METTL24: variants seen among roughly 807,000 people sequenced by gnomAD.
METTL24 encodes the protein methyltransferase like 24, also known as probable methyltransferase-like protein 24.
In METTL24, 29 loss-of-function variants were observed where a neutral mutation model predicts 32.7. That is an observed-to-expected ratio of 0.89 (90% CI 0.66 to 1.21). The LOEUF is 1.21. Among genes scored for constraint, METTL24 ranks in the 50% most tolerant of loss-of-function variants. The pLI, the probability that METTL24 is intolerant of heterozygous loss-of-function variation, is 0.00. For synonymous variants in METTL24, 163 were observed against 179.5 expected (o/e 0.91, Z 0.73); for missense variants, 439 against 468.1 (o/e 0.94, Z 0.57).
At chr6:110,315,220 C>T in intron 3 of METTL24, 122 bp downstream of exon 3, 1 of 1,137,928 alleles carries the variant, frequency 8.8e-7, no homozygotes, top group Admixed American at 1.9e-5. Flanking sequence ...GAAATGATGA[C>T]AGGAGGCAAA....
chr6:110,256,678 G>A (rs1248268204), intron 4 of METTL24, among the ~76,000 whole-genome samples: 1 of 152,156 alleles, frequency 6.6e-6, no homozygotes, highest in Non-Finnish European at 1.5e-5. Flanking sequence ...GATGGAAAGA[G>A]AGGAGACAAG....
intron 4 of METTL24, among the ~76,000 whole-genome samples, chr6:110,264,273 A>C (rs1770811755): frequency 6.6e-6 from 1 of 152,244 alleles, no homozygotes; most frequent in South Asian, 2.1e-4. Flanking sequence ...ATAAATTTAC[A>C]AGAAAAAAAC....
chr6:110,279,024 T>C (rs116318499), intron 4 of METTL24, among the ~76,000 whole-genome samples: 2,654 of 143,856 alleles, frequency 0.018, 30 homozygotes, highest in African/African-American at 0.044. Context: ...ACAAAGAGTA[T>C]GGTGGTCTGT....
chr6:110,298,921 C>A lies in METTL24; in HGVS notation c.786+1G>T, dbSNP rs1264382345. On this transcript the variant is annotated splice_donor_variant, in intron 4 of 4. Transcript: ENST00000338882. LOFTEE classifies it high-confidence loss of function. ...GTATAAAATCAAATGAAAAACCTCA[C>A]CTTGTGATGTCCAAATTCATTCAAA... 1.9e-6 allele frequency: 3 copies of A among 1,613,640 alleles called. No individual in the cohort carries two copies. The highest frequency in any genetic ancestry group is 1.1e-5 in the South Asian group (1 of 91,052).
intron 3 of METTL24, among the ~76,000 whole-genome samples, chr6:110,314,233 A>G (rs9487371): frequency 0.27 from 40,465 of 152,076 alleles, 9,473 homozygotes; most frequent in African/African-American, 0.63. Flanking sequence ...GGTCCCCAGC[A>G]CTGTTTGTAA....
intron 4 of METTL24, among the ~76,000 whole-genome samples, chr6:110,281,297 G>T (rs775600183): frequency 6.6e-6 from 1 of 152,116 alleles, no homozygotes; most frequent in African/African-American, 2.4e-5. Context: ...TAGGAAAGTA[G>T]TGGAAAATAA....
At chr6:110,326,183 T>A (rs1294534510) in intron 1 of METTL24, among the ~76,000 whole-genome samples, 1 of 152,194 alleles carries the variant, frequency 6.6e-6, no homozygotes, top group Admixed American at 6.5e-5. Context: ...TCCAGAGGGA[T>A]CTTGCCCCAT....
chr6:110,300,631 G>T (rs1397885533), intron 3 of METTL24, among the ~76,000 whole-genome samples: 1 of 151,810 alleles, frequency 6.6e-6, no homozygotes, highest in Non-Finnish European at 1.5e-5. Context: ...ATGTTGCCCA[G>T]GCTGGTCTCG....
At chr6:110,252,847 C>G (rs1778307599) in intron 4 of METTL24, among the ~76,000 whole-genome samples, 1 of 152,140 alleles carries the variant, frequency 6.6e-6, no homozygotes, top group South Asian at 2.1e-4. Context: ...TGTGGTCACA[C>G]AGGGCCCCAA....
At chr6:110,350,792 TA>T (rs1240205897) in intron 1 of METTL24, among the ~76,000 whole-genome samples, 1 of 147,680 alleles carries the variant, frequency 6.8e-6, no homozygotes. Context: ...TAAAATAAAA[TA>T]AAATAAAATA....
chr6:110,274,085 G>A (rs1771003215), intron 4 of METTL24, among the ~76,000 whole-genome samples: 3 of 152,164 alleles, frequency 2.0e-5, no homozygotes, highest in Middle Eastern at 3.2e-3. Context: ...AACCTGGATG[G>A]AGTTGGAGCC....
intron 4 of METTL24, among the ~76,000 whole-genome samples, chr6:110,268,192 C>G (rs1770893273): frequency 6.6e-6 from 1 of 151,852 alleles, no homozygotes; most frequent in Admixed American, 6.6e-5. Context: ...AAACTGAGGC[C>G]CAAAAAGGTC....
chr6:110,332,329 A>C (rs1218728145), intron 1 of METTL24: 1 of 171,802 alleles, frequency 5.8e-6, no homozygotes, highest in Admixed American at 6.6e-5. Context: ...TGTGTAGGTC[A>C]AAATGGTTCA....
intron 4 of METTL24, among the ~76,000 whole-genome samples, chr6:110,249,923 C>A (rs1205293553): frequency 6.6e-6 from 1 of 152,010 alleles, no homozygotes; most frequent in African/African-American, 2.4e-5. Context: ...CAAAAATTAT[C>A]TCCTTTTCCT....
intron 1 of METTL24, among the ~76,000 whole-genome samples, chr6:110,334,176 G>A (rs373109526): frequency 2.7e-4 from 40 of 150,148 alleles, no homozygotes; most frequent in South Asian, 6.5e-4. Context: ...CCTGCAACCC[G>A]GGGGCCCACA....
chr6:110,343,961 C>T (rs1314688784), intron 1 of METTL24, among the ~76,000 whole-genome samples: 1 of 152,058 alleles, frequency 6.6e-6, no homozygotes, highest in Non-Finnish European at 1.5e-5. Flanking sequence ...CCATTATTAT[C>T]AGAATATTGG....
intron 1 of METTL24, among the ~76,000 whole-genome samples, chr6:110,328,596 G>A (rs1248159555): frequency 2.0e-5 from 3 of 152,042 alleles, no homozygotes; most frequent in African/African-American, 7.2e-5. Context: ...TCAGCATAAA[G>A]TTTTGTTTCT....
chr6:110,343,697 C>T (rs182500160), intron 1 of METTL24, among the ~76,000 whole-genome samples: 1 of 152,232 alleles, frequency 6.6e-6, no homozygotes, highest in East Asian at 1.9e-4. Context: ...GAGCAGGGGC[C>T]TAAGAAGAAA....
chr6:110,246,148 TG>T lies in METTL24; in HGVS notation c.898del (p.His300ThrfsTer25). The T allele has an allele frequency of 1.2e-6, 2 of 1,614,150 alleles. No individual in the cohort carries two copies. Among genetic ancestry groups the T allele is most frequent in the Non-Finnish European group, 1.7e-6 (2 of 1,180,018 alleles). ...IGQLIFEIHL[H>X]WPGFEVSGSD... ...GCCACTGACCTCAAACCCAGGCCAG[TG>T]GAGATGGATCTCAAAGATGAGCTGT... On this transcript the variant is annotated frameshift_variant, in exon 5 of 5. Transcript: ENST00000338882. LOFTEE classifies it high-confidence loss of function.
Sources: gnomAD v4.1 joint callset for allele counts (sites outside exome capture counted in the v4.1 genomes callset) on GRCh38, gnomAD v4.1.1 for gene constraint, MANE v1.5 for transcripts, NCBI Gene and HGNC (gene_info 2026-07-23, HGNC 2026-07-21) for gene names.